SLCO1B3: variants seen among roughly 807,000 people sequenced by gnomAD.
The protein encoded by SLCO1B3 is liver-specific organic anion transporter 2.
A neutral mutation model predicts 71.8 loss-of-function variants in SLCO1B3; 72 were observed. The observed-to-expected ratio is 1.00, with a 90% CI of 0.83 to 1.22. The LOEUF is 1.22. Among genes scored for constraint, SLCO1B3 ranks in the 50% most tolerant of loss-of-function variants. The pLI is 0.00. For missense variants in SLCO1B3, 911 were observed against 819.7 expected (o/e 1.11, Z -1.36); for synonymous variants, 298 against 278.4 (o/e 1.07, Z -0.70).
intron 3 of SLCO1B3, among the ~76,000 whole-genome samples, chr12:20,817,981 G>A (rs1360611823): frequency 6.6e-6 from 1 of 152,136 alleles, no homozygotes; most frequent in Non-Finnish European, 1.5e-5. Flanking sequence ...AACCAGCAGT[G>A]TAAACAAGAG....
chr12:20,815,898 C>T lies in SLCO1B3; in HGVS notation c.84+76C>T, dbSNP rs193031273. ...TATGTATAGAAAGGCCACTAACTGT[C>T]AAAAAGAACATTATATCTCATATTA... On this transcript the variant is annotated intron_variant, in intron 3 of 15. Transcript: ENST00000381545. 6.0e-5 allele frequency: 45 copies of T among 748,256 alleles called. No individual in the cohort carries two copies. The African/African-American group carries it at 7.3e-4, about 12-fold the overall frequency. The allele number at this position is 748,256 out of a possible 1,614,324, so 46.4% of individuals were successfully genotyped here. A position where few individuals can be genotyped will look rare whatever the true frequency, so the allele number is the denominator to read the frequency against.
chr12:20,819,051 T>C (rs1864243120), intron 3 of SLCO1B3, among the ~76,000 whole-genome samples: 1 of 152,334 alleles, frequency 6.6e-6, no homozygotes, highest in Admixed American at 6.5e-5. Flanking sequence ...TGAGCATAGT[T>C]TGTGATTTTG....
chr12:20,909,974 T>C (rs964352671), intron 15 of SLCO1B3, among the ~76,000 whole-genome samples: 1 of 152,220 alleles, frequency 6.6e-6, no homozygotes, highest in African/African-American at 2.4e-5. Context: ...GGTTTTAAAT[T>C]GTAATGAAGT....
At chr12:20,821,373 T>A (rs1205616409) in intron 3 of SLCO1B3, among the ~76,000 whole-genome samples, 1 of 152,018 alleles carries the variant, frequency 6.6e-6, no homozygotes, top group Admixed American at 6.6e-5. Context: ...GACGCTTAGA[T>A]TTTAGGTCAG....
At chr12:20,883,796 C>T (rs907201120) in intron 13 of SLCO1B3, among the ~76,000 whole-genome samples, 194 bp downstream of exon 13, 2 of 152,066 alleles carry the variant, frequency 1.3e-5, no homozygotes, top group Non-Finnish European at 1.5e-5. Flanking sequence ...CTTCCATTGT[C>T]AAATCTAGGC....
At chr12:20,907,851 CAA>C (rs1371690981) in intron 15 of SLCO1B3, among the ~76,000 whole-genome samples, 4 of 151,956 alleles carry the variant, frequency 2.6e-5, no homozygotes, top group Admixed American at 6.6e-5. Context: ...AAAAAAATAA[CAA>C]AGAAAAACTT....
rs749907490 is a variant in SLCO1B3 at position 20,855,103 on chromosome 12, C to T, written c.160C>T (p.Gln54Ter). ...AATCATTATGAAAATTTCCATCACT[C>T]AAATAGAAAGGAGATTTGACATATC... ...GGIIMKISITQIERRFDISSS... is the reference protein window; with the variant it reads ...GGIIMKISIT Residue 54 changes from glutamine to a stop codon, truncating the protein, a stop_gained, in exon 4 of 16, where the codon CAA becomes TAA. Coordinates refer to ENST00000381545, the MANE Select transcript of SLCO1B3 (RefSeq NM_019844.4). LOFTEE classifies it high-confidence loss of function. 2 of 1,611,526 alleles carry T rather than the reference C, an allele frequency of 1.2e-6. No individual in the cohort carries two copies. Among genetic ancestry groups the T allele is most frequent in the African/African-American group, 2.7e-5 (2 of 74,838 alleles).
At chr12:20,845,921 A>C (rs557020581) in intron 3 of SLCO1B3, among the ~76,000 whole-genome samples, 5 of 151,166 alleles carry the variant, frequency 3.3e-5, no homozygotes, top group African/African-American at 9.7e-5. Context: ...ATAAAAATTT[A>C]ATCTCTTTTT....
intron 4 of SLCO1B3, among the ~76,000 whole-genome samples, chr12:20,856,869 C>T (rs1382321173): frequency 1.3e-5 from 2 of 152,128 alleles, no homozygotes; most frequent in African/African-American, 4.8e-5. Flanking sequence ...CAATACTACA[C>T]CTTTTTACCT....
intron 8 of SLCO1B3, among the ~76,000 whole-genome samples, chr12:20,868,314 A>T (rs548605404): frequency 2.0e-5 from 3 of 152,320 alleles, no homozygotes; most frequent in Admixed American, 6.5e-5. Context: ...AGTTACAGAC[A>T]GATTGTCAAC....
intron 6 of SLCO1B3, 62 bp downstream of exon 6, chr12:20,861,200 A>G: frequency 7.0e-7 from 1 of 1,422,500 alleles, no homozygotes; most frequent in Non-Finnish European, 9.5e-7. Flanking sequence ...ACGTCTATAA[A>G]GTTTCTGATA....
intron 3 of SLCO1B3, among the ~76,000 whole-genome samples, chr12:20,841,555 C>G (rs924852497): frequency 6.6e-6 from 1 of 152,106 alleles, no homozygotes; most frequent in African/African-American, 2.4e-5. Context: ...TTTTTGCAAC[C>G]TGTTGAGTTC....
intron 8 of SLCO1B3, among the ~76,000 whole-genome samples, chr12:20,870,902 T>G (rs1235135357): frequency 6.6e-6 from 1 of 152,214 alleles, no homozygotes; most frequent in Non-Finnish European, 1.5e-5. Context: ...TGAAGGGATG[T>G]TGAATTTTAT....
At chr12:20,880,763 T>G in intron 11 of SLCO1B3, 92 bp from the exon 12 acceptor site, 1 of 734,392 alleles carries the variant, frequency 1.4e-6, no homozygotes, top group South Asian at 3.0e-5. Flanking sequence ...CCTCCTCTAT[T>G]TCCCCTCTCC....
At chr12:20,852,575 A>G (rs1259162901) in intron 3 of SLCO1B3, among the ~76,000 whole-genome samples, 5 of 152,216 alleles carry the variant, frequency 3.3e-5, no homozygotes, top group African/African-American at 9.6e-5. Flanking sequence ...CTTCCAATCT[A>G]TGAGAATTGA....
At chr12:20,829,462 G>A (rs953889971) in intron 3 of SLCO1B3, among the ~76,000 whole-genome samples, 1 of 152,180 alleles carries the variant, frequency 6.6e-6, no homozygotes, top group Non-Finnish European at 1.5e-5. Context: ...TTTGAAGCAA[G>A]TGAAACTCCA....
intron 13 of SLCO1B3, among the ~76,000 whole-genome samples, chr12:20,895,804 G>T (rs559086996): frequency 6.6e-6 from 1 of 152,198 alleles, no homozygotes; most frequent in African/African-American, 2.4e-5. Context: ...CGTTCATACT[G>T]CCCTAGCAGA....
intron 3 of SLCO1B3, among the ~76,000 whole-genome samples, chr12:20,837,682 TCACTTCTTTTTGAAAATAAATTGGA>T (rs1864712053): frequency 6.6e-6 from 1 of 152,136 alleles, no homozygotes; most frequent in Admixed American, 6.5e-5. Context: ...ACAAATGCTA[TCACTTCTTTTTGAAAATAAATTGGA>T]TAAGATATAT....
intron 15 of SLCO1B3, among the ~76,000 whole-genome samples, chr12:20,912,145 C>T (rs145693650): frequency 7.3e-5 from 11 of 151,594 alleles, no homozygotes; most frequent in African/African-American, 2.4e-4. Context: ...TCATCTTGAC[C>T]CATATGTTTC....
Sources: gnomAD v4.1 joint callset for allele counts (sites outside exome capture counted in the v4.1 genomes callset) on GRCh38, gnomAD v4.1.1 for gene constraint, MANE v1.5 for transcripts, NCBI Gene and HGNC (gene_info 2026-07-23, HGNC 2026-07-21) for gene names.